Variants in CDH4 observed in about 807,000 individuals in gnomAD.
The protein encoded by CDH4 is cadherin-4.
Under a neutral mutation model 86.0 loss-of-function variants are expected in CDH4, and 33 were observed. That is an observed-to-expected ratio of 0.38 (90% confidence interval 0.29 to 0.51). The LOEUF (loss-of-function observed/expected upper bound fraction) is 0.51. Ranked by LOEUF, CDH4 falls within the 20% of genes least tolerant of loss-of-function variation. CDH4 has a pLI of 0.86. For missense variants in CDH4, 1,114 were observed against 1,307.4 expected (o/e 0.85, Z 2.28); for synonymous variants, 555 against 549.4 (o/e 1.01, Z -0.14).
At chr20:61,744,674 T>C (rs1232099706) in intron 3 of CDH4, among the ~76,000 whole-genome samples, 1 of 152,100 alleles carries the variant, frequency 6.6e-6, no homozygotes, top group Non-Finnish European at 1.5e-5. Context: ...TCTGCCTCCT[T>C]CTAACCCGGC....
intron 2 of CDH4, among the ~76,000 whole-genome samples, chr20:61,650,837 A>T (rs2087112870): frequency 6.6e-6 from 1 of 152,222 alleles, no homozygotes; most frequent in African/African-American, 2.4e-5. Flanking sequence ...CTGGTGTGAG[A>T]TGTATTTCAT....
chr20:61,436,433 T>C (rs1436908366), intron 2 of CDH4: 2 of 152,186 alleles, frequency 1.3e-5, no homozygotes, highest in Non-Finnish European at 2.9e-5. Flanking sequence ...TCCCACAACA[T>C]GCTCAGAATG....
chr20:61,505,424 G>T (rs2085733488), intron 2 of CDH4, among the ~76,000 whole-genome samples: 2 of 152,224 alleles, frequency 1.3e-5, no homozygotes, highest in Admixed American at 1.3e-4. Context: ...AGGAATGAAA[G>T]GTTCTGAGGG....
At chr20:61,888,940 G>A (rs576817411) in intron 7 of CDH4, among the ~76,000 whole-genome samples, 14 of 152,336 alleles carry the variant, frequency 9.2e-5, no homozygotes, top group Non-Finnish European at 1.9e-4. Context: ...ACCACGCAGT[G>A]TGACACCAGT....
At chr20:61,929,959 C>T (rs767113322) in intron 13 of CDH4, 117 bp downstream of exon 13, 58 of 758,072 alleles carry the variant, frequency 7.7e-5, no homozygotes, top group Non-Finnish European at 1.2e-4. Flanking sequence ...CTCTCAGCCT[C>T]ATCTGTCAGG....
chr20:61,279,652 A>G (rs1320145321), intron 2 of CDH4, among the ~76,000 whole-genome samples: 1 of 152,162 alleles, frequency 6.6e-6, no homozygotes, highest in Admixed American at 6.5e-5. Flanking sequence ...GGGGGTCTCC[A>G]CGAAAGCGCA....
At chr20:61,825,846 A>T (rs540682205) in intron 4 of CDH4, among the ~76,000 whole-genome samples, 1 of 152,206 alleles carries the variant, frequency 6.6e-6, no homozygotes, top group African/African-American at 2.4e-5. Context: ...CCCAAAGTTA[A>T]TGGCAGCTCT....
intron 4 of CDH4, among the ~76,000 whole-genome samples, chr20:61,817,042 G>A (rs747872782): frequency 2.6e-5 from 4 of 152,220 alleles, no homozygotes; most frequent in African/African-American, 4.8e-5. Context: ...ATCTGTTTCC[G>A]TTAAAGTGAA....
chr20:61,805,513 C>A (rs1473234341), intron 4 of CDH4, among the ~76,000 whole-genome samples: 1 of 152,234 alleles, frequency 6.6e-6, no homozygotes, highest in Non-Finnish European at 1.5e-5. Flanking sequence ...ACTCCCCTGC[C>A]CGGCCTCAGA....
intron 6 of CDH4, among the ~76,000 whole-genome samples, chr20:61,861,357 C>T (rs751772521): frequency 3.9e-5 from 6 of 152,224 alleles, no homozygotes; most frequent in East Asian, 3.9e-4. Context: ...CTAAATGCCA[C>T]GACAGCCCCA....
chr20:61,328,312 AC>A, intron 2 of CDH4, among the ~76,000 whole-genome samples: 1 of 152,072 alleles, frequency 6.6e-6, no homozygotes. Context: ...AGTAGCTAGG[AC>A]TGCAGGTGCA....
At chr20:61,789,615 G>A (rs1979057138) in intron 4 of CDH4, among the ~76,000 whole-genome samples, 1 of 152,208 alleles carries the variant, frequency 6.6e-6, no homozygotes, top group African/African-American at 2.4e-5. Flanking sequence ...TGTGCTCCGT[G>A]TTTTCAGCAG....
intron 2 of CDH4, among the ~76,000 whole-genome samples, chr20:61,445,617 G>A (rs1245275012): frequency 6.6e-6 from 1 of 152,042 alleles, no homozygotes; most frequent in African/African-American, 2.4e-5. Flanking sequence ...AGGAGGCAAA[G>A]GGACCAAGGC....
At chr20:61,265,538 C>A (rs1282795351) in intron 2 of CDH4, among the ~76,000 whole-genome samples, 1 of 152,082 alleles carries the variant, frequency 6.6e-6, no homozygotes, top group South Asian at 2.1e-4. Context: ...TTCAATCTTA[C>A]ACGGACCTCA....
Position 61,933,729 on chromosome 20 carries a change from G to A in CDH4, c.2380-327G>A, listed in dbSNP as rs117548725. 3.3e-4 allele frequency among the ~76,000 whole-genome samples: 50 copies of A among 150,504 alleles called. No individual in the cohort carries two copies. In the East Asian group the frequency reaches 5.2e-3, roughly 16 times the overall value. On this transcript the variant is annotated intron_variant, in intron 14 of 15. Coordinates refer to ENST00000614565, the MANE Select transcript of CDH4 (RefSeq NM_001794.5). ...AACGAATGTGAGGCATGTGCCTTGC[G>A]GAGGCCCAGCTCCTGGCCCCCTGAG...
chr20:61,572,867 GGACA>G (rs879275879), intron 2 of CDH4, among the ~76,000 whole-genome samples: 223 of 143,038 alleles, frequency 1.6e-3, no homozygotes, highest in Admixed American at 2.8e-3. Flanking sequence ...ATGGATGGAT[GGACA>G]GACAGAGGGA....
chr20:61,282,648 T>C (rs2084266150), intron 2 of CDH4, among the ~76,000 whole-genome samples: 1 of 152,214 alleles, frequency 6.6e-6, no homozygotes, highest in African/African-American at 2.4e-5. Flanking sequence ...TGTGTTCATA[T>C]GTACATATGT....
At chr20:61,402,227 G>T (rs1459993209) in intron 2 of CDH4, among the ~76,000 whole-genome samples, 1 of 152,168 alleles carries the variant, frequency 6.6e-6, no homozygotes, top group South Asian at 2.1e-4. Flanking sequence ...GTAAAATGAT[G>T]CAGTATTTGT....
intron 2 of CDH4, among the ~76,000 whole-genome samples, chr20:61,670,146 C>T (rs1396052303): frequency 1.3e-5 from 2 of 152,204 alleles, no homozygotes; most frequent in Non-Finnish European, 2.9e-5. Context: ...ATGGCTGCCA[C>T]ATGACATGCA....
Sources: allele counts gnomAD v4.1 joint callset (sites outside exome capture counted in the v4.1 genomes callset), GRCh38; gene constraint gnomAD v4.1.1; transcripts MANE v1.5; gene names NCBI Gene and HGNC (gene_info 2026-07-23, HGNC 2026-07-21).